The following GPR37 variants were observed in gnomAD, a reference collection of about 807,000 sequenced individuals.
The protein encoded by GPR37 is G protein-coupled receptor 37.
In GPR37, 20 loss-of-function variants were observed where a neutral mutation model predicts 43.6. That is an observed-to-expected ratio of 0.46 (90% CI 0.32 to 0.67). The LOEUF is 0.67. Ranked by LOEUF, GPR37 falls within the 30% of genes least tolerant of loss-of-function variation. GPR37 has a pLI of 0.03. For synonymous variants in GPR37, 315 were observed against 322.6 expected, an observed-to-expected ratio of 0.98 and a Z score of 0.25; for missense variants, 724 against 797.2, an observed-to-expected ratio of 0.91 and a Z score of 1.11.
In GPR37 at chr7:124,747,099, A is replaced by T; in HGVS notation, c.1268T>A (p.Ile423Asn). ...GATGGTGTCTGGTAAATCAGGAGAG[A>T]TCTTAATAATGCACCTTTCTGCCGG... Reference protein sequence around the residue: ...RAPAERCIIKISPDLPDTIYV... With the variant: ...RAPAERCIIKNSPDLPDTIYV... Residue 423 changes from isoleucine (I) to asparagine (N), a missense_variant, in exon 2 of 2, where the codon ATC becomes AAC. Around this residue, in one of 2 missense-constraint regions of GPR37, gnomAD observed 342 missense variants for 441.8 expected, o/e 0.77. Coordinates refer to ENST00000303921, the MANE Select transcript of GPR37 (RefSeq NM_005302.5). 1.2e-6 allele frequency: 2 copies of T among 1,613,950 alleles called. No individual in the cohort carries two copies. Among genetic ancestry groups the T allele is most frequent in the Non-Finnish European group, 1.7e-6 (2 of 1,179,912 alleles).
In GPR37 at chr7:124,744,664, C is replaced by G. The variant is rs551478152; in HGVS notation, c.*1861G>C. The stretch of plus-strand genomic sequence containing the variant: ...CAGAACTTCACATCTTCCTGAGGCA[C>G]CTAACAAGCCCCAGCTTATATCATA... On this transcript the variant is annotated 3_prime_UTR_variant, in exon 2 of 2. Coordinates refer to ENST00000303921, the MANE Select transcript of GPR37 (RefSeq NM_005302.5). 6.6e-6 allele frequency: 1 copy of G among 152,202 alleles called. No homozygotes were observed. Among genetic ancestry groups the G allele is most frequent in the Non-Finnish European group, 1.5e-5 (1 of 68,062 alleles). 9.4% of individuals were successfully genotyped at this position (152,202 alleles called of 1,614,324 possible). A position where few individuals can be genotyped will look rare whatever the true frequency, so the allele number is the denominator to read the frequency against.
At chr7:124,759,066 ATTTT>A (rs541602933) in intron 1 of GPR37, among the ~76,000 whole-genome samples, 2 of 137,164 alleles carry the variant, frequency 1.5e-5, no homozygotes, top group African/African-American at 2.7e-5. Context: ...AATTATTTGA[ATTTT>A]TTTTTTTTTT....
At chr7:124,760,362 T>C (rs1013667194) in intron 1 of GPR37, among the ~76,000 whole-genome samples, 1 of 152,178 alleles carries the variant, frequency 6.6e-6, no homozygotes, top group African/African-American at 2.4e-5. Context: ...GTACTTGTAA[T>C]GTCCTTCACC....
At chr7:124,762,309 CT>C (rs1404631670) in intron 1 of GPR37, among the ~76,000 whole-genome samples, 3 of 151,526 alleles carry the variant, frequency 2.0e-5, no homozygotes, top group African/African-American at 7.2e-5. Context: ...TTTTATTTTT[CT>C]TTCCCCAATT....
chr7:124,748,283 T>A (rs1211173627), intron 1 of GPR37, among the ~76,000 whole-genome samples: 1 of 151,970 alleles, frequency 6.6e-6, no homozygotes, highest in African/African-American at 2.4e-5. Context: ...GGGAAAAAAA[T>A]GGCAAATTCT....
intron 1 of GPR37, among the ~76,000 whole-genome samples, chr7:124,761,154 C>CAAAAAA (rs60967099): frequency 2.6e-5 from 2 of 77,458 alleles, no homozygotes; most frequent in African/African-American, 1.1e-4. Flanking sequence ...GACTCCGTCT[C>CAAAAAA]AAAAAAAAAA....
At chr7:124,749,082 A>G (rs1793704858) in intron 1 of GPR37, among the ~76,000 whole-genome samples, 1 of 152,080 alleles carries the variant, frequency 6.6e-6, no homozygotes, top group South Asian at 2.1e-4. Flanking sequence ...ATCATAGTCA[A>G]CCAAGATGGG....
chr7:124,763,347 C>CTT (rs772163144), intron 1 of GPR37, among the ~76,000 whole-genome samples: 2 of 151,938 alleles, frequency 1.3e-5, no homozygotes, highest in African/African-American at 2.4e-5. Flanking sequence ...CAAAAAATGA[C>CTT]TTAAGAATTT....
chr7:124,761,618 A>T (rs1729683896), intron 1 of GPR37, among the ~76,000 whole-genome samples: 2 of 152,058 alleles, frequency 1.3e-5, no homozygotes, highest in African/African-American at 2.4e-5. Context: ...ATAAATCTAC[A>T]TCTCAGGGCC....
In GPR37 at chr7:124,747,005, G is replaced by A; in HGVS notation, c.1362C>T (p.Pro454=). The change falls in exon 2 of 2, where the codon CCC becomes CCT. Residue 454 remains proline (P), a synonymous_variant. Transcript: ENST00000303921. ...GAGAGCAGGTGATGGTGAAAAGCGTGGGCAAACAAAAGTAACAGCCAAAAT... is the reference window on the plus strand; with the variant it reads ...GAGAGCAGGTGATGGTGAAAAGCGTAGGCAAACAAAAGTAACAGCCAAAAT... ...WWYFGCYFCL[P]TLFTITCSLV... 6.2e-7 allele frequency: 1 copy of A among 1,613,930 alleles called. No homozygotes were observed. Among genetic ancestry groups the A allele is most frequent in the African/African-American group, 1.3e-5 (1 of 75,024 alleles).
intron 1 of GPR37, among the ~76,000 whole-genome samples, chr7:124,749,162 C>G (rs1359865580): frequency 5.9e-5 from 9 of 151,936 alleles, no homozygotes; most frequent in Admixed American, 5.9e-4. Flanking sequence ...CTTAAATATT[C>G]TGGGGAAATT....
Position 124,746,852 on chromosome 7 carries a change from A to G in GPR37, c.1515T>C (p.Ile505=). 1 of 1,614,084 alleles carries G rather than the reference A, an allele frequency of 6.2e-7. No homozygotes were observed. Among genetic ancestry groups the G allele is most frequent in the Non-Finnish European group, 8.5e-7 (1 of 1,179,958 alleles). The change falls in exon 2 of 2, where the codon ATT becomes ATC. Residue 505 remains isoleucine (I), a synonymous_variant. Coordinates refer to ENST00000303921, the MANE Select transcript of GPR37 (RefSeq NM_005302.5). ...VALTILYGFC[I]IPENICNIVT... ...CAATGTTGCAGATATTTTCAGGAAT[A>G]ATGCAAAATCCATATAAAATGGTCA...
At chr7:124,761,886 G>GT (rs1240593813) in intron 1 of GPR37, among the ~76,000 whole-genome samples, 2 of 152,044 alleles carry the variant, frequency 1.3e-5, no homozygotes, top group Non-Finnish European at 2.9e-5. Context: ...TATTTTAACA[G>GT]TAAAAATGTA....
intron 1 of GPR37, among the ~76,000 whole-genome samples, chr7:124,756,208 T>C (rs1023012275): frequency 4.6e-5 from 7 of 152,110 alleles, no homozygotes; most frequent in African/African-American, 1.7e-4. Flanking sequence ...GCCCTGAAGA[T>C]GGGAATTGAT....
rs1202839709 is a variant in GPR37, at chr7:124,745,254, A to G, written c.*1271T>C. Among the ~76,000 whole-genome samples the G allele has an allele frequency of 6.6e-6, 1 of 152,214 alleles. No homozygotes were observed. Among genetic ancestry groups the G allele is most frequent in the Non-Finnish European group, 1.5e-5 (1 of 68,042 alleles). ...CTATAACAAGATTTTTCTGAAGACA[A>G]AGACATCCAACTACACATCTTCTTT... On this transcript the variant is annotated 3_prime_UTR_variant, in exon 2 of 2. Coordinates refer to ENST00000303921, the MANE Select transcript of GPR37 (RefSeq NM_005302.5).
intron 1 of GPR37, among the ~76,000 whole-genome samples, chr7:124,750,820 AG>A (rs1024486583): frequency 6.6e-6 from 1 of 152,148 alleles, no homozygotes; most frequent in Non-Finnish European, 1.5e-5. Flanking sequence ...ATGTTTTTCC[AG>A]GTTCTTTACC....
chr7:124,755,281 A>C (rs1793779858), intron 1 of GPR37, among the ~76,000 whole-genome samples: 1 of 152,136 alleles, frequency 6.6e-6, no homozygotes. Context: ...TAATATACTC[A>C]GACTATTCCA....
rs1221054465 is a variant in GPR37, at chr7:124,745,924, T to A, written c.*601A>T. The A allele has an allele frequency of 6.6e-6, 1 of 152,186 alleles. No homozygotes were observed. Among genetic ancestry groups the A allele is most frequent in the African/African-American group, 2.4e-5 (1 of 41,452 alleles). 9.4% of individuals were successfully genotyped at this position (152,186 alleles called of 1,614,324 possible). ...TTAGAAAAACTTCTTTATAACATAA[T>A]GATTACCTGCCTTAAAAGAAAATAC... On this transcript the variant is annotated 3_prime_UTR_variant, in exon 2 of 2. Coordinates refer to ENST00000303921, the MANE Select transcript of GPR37 (RefSeq NM_005302.5).
chr7:124,754,800 C>A (rs1407929020), intron 1 of GPR37, among the ~76,000 whole-genome samples: 3 of 152,142 alleles, frequency 2.0e-5, no homozygotes, highest in Non-Finnish European at 4.4e-5. Flanking sequence ...ACAGGCCTAA[C>A]AACCAGTCAG....
Sources: gnomAD v4.1 joint callset for allele counts (sites outside exome capture counted in the v4.1 genomes callset) on GRCh38, gnomAD v4.1.1 for gene constraint, gnomAD v4.1.1 regional missense constraint, MANE v1.5 for transcripts, NCBI Gene and HGNC (gene_info 2026-07-23, HGNC 2026-07-21) for gene names.